MGLL: variants seen among roughly 807,000 people sequenced by gnomAD.
The protein encoded by MGLL is monoglyceride lipase.
A neutral mutation model predicts 29.1 loss-of-function variants in MGLL; 7 were observed. The ratio of observed to expected loss-of-function variants is 0.24; its 90% CI spans 0.14 to 0.45. MGLL has a LOEUF of 0.45. Ranked by LOEUF, MGLL falls within the 20% of genes least tolerant of loss-of-function variation. MGLL has a pLI of 0.99. For missense variants in MGLL, 356 were observed against 413.6 expected, an observed-to-expected ratio of 0.86 and a Z score of 1.21; for synonymous variants, 148 against 168.3, an observed-to-expected ratio of 0.88 and a Z score of 0.93.
intron 3 of MGLL, among the ~76,000 whole-genome samples, chr3:127,746,276 C>T (rs1285531040): frequency 6.6e-6 from 1 of 152,172 alleles, no homozygotes; most frequent in Non-Finnish European, 1.5e-5. Context: ...CAGCTCTGCA[C>T]AGCGTCCTTC....
intron 2 of MGLL, among the ~76,000 whole-genome samples, chr3:127,811,908 C>G (rs1195321771): frequency 6.6e-6 from 1 of 152,252 alleles, no homozygotes; most frequent in Admixed American, 6.5e-5. Flanking sequence ...CTGGGAGCAA[C>G]AGAAGACCCA....
chr3:127,797,616 CT>C (rs1206167431), intron 2 of MGLL, among the ~76,000 whole-genome samples: 1 of 151,572 alleles, frequency 6.6e-6, no homozygotes, highest in South Asian at 2.1e-4. Flanking sequence ...TAAAAATCAA[CT>C]TTTTTTTTGA....
At chr3:127,714,065 T>C (rs553631446) in intron 5 of MGLL, 3 of 146,268 alleles carry the variant, frequency 2.1e-5, no homozygotes, top group East Asian at 2.0e-4. Context: ...GCAGTTAAAG[T>C]AAGCTTTTAA....
intron 2 of MGLL, among the ~76,000 whole-genome samples, chr3:127,787,443 C>T (rs1161684776): frequency 6.6e-6 from 1 of 152,236 alleles, no homozygotes; most frequent in Non-Finnish European, 1.5e-5. Context: ...AAAACGCTAG[C>T]CTCCTTCCTG....
intron 3 of MGLL, among the ~76,000 whole-genome samples, chr3:127,755,467 A>T (rs1399555503): frequency 6.6e-6 from 1 of 152,154 alleles, no homozygotes; most frequent in African/African-American, 2.4e-5. Context: ...GTTGTAGGTC[A>T]ATGGGTTTTC....
intron 3 of MGLL, among the ~76,000 whole-genome samples, chr3:127,768,128 C>T (rs574761241): frequency 6.6e-6 from 1 of 152,252 alleles, no homozygotes; most frequent in East Asian, 1.9e-4. Context: ...TTGGGATAGT[C>T]CTATTAATAG....
intron 3 of MGLL, among the ~76,000 whole-genome samples, chr3:127,779,820 C>T (rs1157398271): frequency 6.6e-6 from 1 of 152,178 alleles, no homozygotes; most frequent in Non-Finnish European, 1.5e-5. Context: ...GGAAATACAG[C>T]CAAGATCACT....
At chr3:127,751,593 A>C (rs4974448) in intron 3 of MGLL, among the ~76,000 whole-genome samples, 79,864 of 151,314 alleles carry the variant, frequency 0.53, 21,704 homozygotes, top group Admixed American at 0.62. Flanking sequence ...ATGAGAGAAC[A>C]GCCCAGCTGA....
chr3:127,716,692 C>T (rs1032947981), intron 5 of MGLL, among the ~76,000 whole-genome samples: 1 of 152,346 alleles, frequency 6.6e-6, no homozygotes, highest in East Asian at 1.9e-4. Context: ...TTCACTTCTG[C>T]CAGTGAAAGC....
intron 7 of MGLL, among the ~76,000 whole-genome samples, chr3:127,694,167 G>A (rs1450870985): frequency 1.3e-5 from 2 of 151,136 alleles, no homozygotes; most frequent in Non-Finnish European, 2.9e-5. Context: ...CTACTCAGGG[G>A]GCTGAGGCAG....
intron 2 of MGLL, among the ~76,000 whole-genome samples, chr3:127,793,252 A>G (rs773155869): frequency 6.6e-6 from 1 of 152,252 alleles, no homozygotes; most frequent in African/African-American, 2.4e-5. Flanking sequence ...TGTAACTTGC[A>G]TGAGTCTAGG....
intron 3 of MGLL, among the ~76,000 whole-genome samples, chr3:127,763,229 G>A (rs2076797141): frequency 1.3e-5 from 2 of 152,230 alleles, no homozygotes; most frequent in Non-Finnish European, 2.9e-5. Flanking sequence ...GGGGACAGGT[G>A]TGCCAGAAAG....
At chr3:127,801,327 G>A (rs1467593044) in intron 2 of MGLL, among the ~76,000 whole-genome samples, 1 of 145,328 alleles carries the variant, frequency 6.9e-6, no homozygotes, top group Middle Eastern at 4.3e-3. Context: ...AAAAGGAGTG[G>A]GGGTAACGGC....
At chr3:127,800,186 A>C (rs2077451374) in intron 2 of MGLL, among the ~76,000 whole-genome samples, 1 of 152,206 alleles carries the variant, frequency 6.6e-6, no homozygotes. Context: ...GTGGGGCAAC[A>C]AGATGGAAGG....
At chr3:127,808,202 T>C (rs1000624183) in intron 2 of MGLL, among the ~76,000 whole-genome samples, 1 of 152,204 alleles carries the variant, frequency 6.6e-6, no homozygotes, top group Non-Finnish European at 1.5e-5. Context: ...GTGATTCCCA[T>C]GCTTATTGGT....
chr3:127,781,400 G>A (rs755787033), intron 3 of MGLL, among the ~76,000 whole-genome samples: 3 of 152,156 alleles, frequency 2.0e-5, no homozygotes, highest in Non-Finnish European at 2.9e-5. Context: ...GGTAAACCTC[G>A]TGTGGTTAAA....
intron 2 of MGLL, among the ~76,000 whole-genome samples, chr3:127,794,748 G>GGA: frequency 6.6e-6 from 1 of 152,132 alleles, no homozygotes; most frequent in Admixed American, 6.6e-5. Context: ...TCTGATGTAA[G>GGA]ACTGTCTTTT....
At chr3:127,775,871 T>C (rs2077028002) in intron 3 of MGLL, among the ~76,000 whole-genome samples, 1 of 152,082 alleles carries the variant, frequency 6.6e-6, no homozygotes, top group Non-Finnish European at 1.5e-5. Flanking sequence ...CCTGGGTGGG[T>C]CCATGTGTGC....
intron 6 of MGLL, among the ~76,000 whole-genome samples, chr3:127,704,251 G>A (rs1367965479): frequency 6.6e-6 from 1 of 152,154 alleles, no homozygotes; most frequent in African/African-American, 2.4e-5. Context: ...AGACTTAAAT[G>A]TAAAACCCAA....
Sources: gnomAD v4.1 joint callset for allele counts (sites outside exome capture counted in the v4.1 genomes callset) on GRCh38, gnomAD v4.1.1 for gene constraint, MANE v1.5 for transcripts, NCBI Gene and HGNC (gene_info 2026-07-23, HGNC 2026-07-21) for gene names.